The following ZC3H14 variants were observed in gnomAD, a reference collection of about 807,000 sequenced individuals.
The protein encoded by ZC3H14 is zinc finger CCCH domain-containing protein 14.
ZC3H14 carries 31 observed loss-of-function variants against 92.4 expected under a neutral mutation model. The ratio of observed to expected loss-of-function variants is 0.34; its 90% CI spans 0.25 to 0.45. The LOEUF is 0.45. Among genes scored for constraint, ZC3H14 ranks in the 20% least tolerant of loss-of-function variants. The pLI, the probability that ZC3H14 is intolerant of heterozygous loss-of-function variation, is 1.00. For synonymous variants in ZC3H14, 321 were observed against 300.9 expected, an observed-to-expected ratio of 1.07 and a Z score of -0.69; for missense variants, 781 against 897.3, an observed-to-expected ratio of 0.87 and a Z score of 1.66.
chr14:88,611,616 G>A, intron 16 of ZC3H14, 129 bp from the exon 17 acceptor site: 1 of 994,568 alleles, frequency 1.0e-6, no homozygotes, highest in South Asian at 1.7e-5. Flanking sequence ...TTAAAAATCT[G>A]CCATTTATAT....
At chr14:88,595,940 T>C (rs150877105) in intron 9 of ZC3H14, among the ~76,000 whole-genome samples, 39 of 152,330 alleles carry the variant, frequency 2.6e-4, no homozygotes, top group African/African-American at 8.7e-4. Flanking sequence ...TGATGTCTGC[T>C]AAGCGCTGTG....
chr14:88,577,912 A>G, intron 8 of ZC3H14, 73 bp from the exon 9 acceptor site: 2 of 1,582,874 alleles, frequency 1.3e-6, no homozygotes, highest in South Asian at 1.1e-5. Context: ...TATATTTAAT[A>G]TGACATAGTC....
Position 88,616,101 on chromosome 14 carries a change from GT to G in ZC3H14, c.*4351del, listed in dbSNP as rs1567008892. On this transcript the variant is annotated 3_prime_UTR_variant, in exon 17 of 17. Coordinates refer to ENST00000251038, the MANE Select transcript of ZC3H14 (RefSeq NM_024824.5). ...GTTGTTGTATTAAGTCTCTTAACTAGTAACATAGTCTGCTCTTCATGGGCTG... is the reference window on the plus strand; with the variant it reads ...GTTGTTGTATTAAGTCTCTTAACTAGAACATAGTCTGCTCTTCATGGGCTG... 4 of 1,593,238 alleles carry G rather than the reference GT, an allele frequency of 2.5e-6. No individual in the cohort carries two copies. The South Asian group carries it at 4.4e-5, about 18-fold the overall frequency.
chr14:88,597,001 C>T (rs1403384373), intron 10 of ZC3H14, among the ~76,000 whole-genome samples, 193 bp downstream of exon 10: 1 of 152,056 alleles, frequency 6.6e-6, no homozygotes, highest in South Asian at 2.1e-4. Flanking sequence ...TAATTTTTTG[C>T]CTCATTGGAA....
In ZC3H14 at chr14:88,623,479, G is replaced by A. The variant is rs1354306791; in HGVS notation, c.*11728G>A. ...TCTGTCACCTGGCCTGGAGTGCAGT[G>A]GTGTGATCTCGGCTCACTGCAACCT... On this transcript the variant is annotated 3_prime_UTR_variant, in exon 17 of 17. Coordinates refer to ENST00000251038, the MANE Select transcript of ZC3H14 (RefSeq NM_024824.5). 1 of 152,102 alleles carries A rather than the reference G, an allele frequency of 6.6e-6. No homozygotes were observed. 9.4% of individuals were successfully genotyped at this position (152,102 alleles called of 1,614,324 possible).
In ZC3H14 at chr14:88,626,577, A is replaced by G. The variant is rs2089973535; in HGVS notation, c.*14826A>G. 2.3e-6 allele frequency: 1 copy of G among 438,226 alleles called. No individual in the cohort carries two copies. Among genetic ancestry groups the G allele is most frequent in the Non-Finnish European group, 4.2e-6 (1 of 238,952 alleles). The allele number at this position is 438,226 out of a possible 1,614,324, so 27.1% of individuals were successfully genotyped here. ...GGCTACAGTGAGCTATAATCGCACC[A>G]TTGCACCCCAGCCCAGGCGACAGAG... On this transcript the variant is annotated 3_prime_UTR_variant, in exon 17 of 17. Transcript: ENST00000251038.
At position 88,613,789 on chromosome 14, in the gene ZC3H14, CA is replaced by C. The variant is rs1206194426; in HGVS notation, c.*2039del. The C allele has an allele frequency of 6.6e-6, 1 of 152,132 alleles. No homozygotes were observed. Among genetic ancestry groups the C allele is most frequent in the Non-Finnish European group, 1.5e-5 (1 of 68,014 alleles). 9.4% of individuals were successfully genotyped at this position (152,132 alleles called of 1,614,324 possible). A position where few individuals can be genotyped will look rare whatever the true frequency, so the allele number is the denominator to read the frequency against. On this transcript the variant is annotated 3_prime_UTR_variant, in exon 17 of 17. Transcript: ENST00000251038. The stretch of plus-strand genomic sequence containing the variant: ...TGCCAGAAGTCCCAGGTTACACAAT[CA>C]GGAGCTTAGATACTGCACACAAAAA...
rs1315500642 is a variant in ZC3H14 at position 88,568,019 on chromosome 14, C to G, written c.80-20C>G. The stretch of plus-strand genomic sequence containing the variant: ...AGTTTTGAGGAAACAAAGTTTTGAT[C>G]TACCTTTCCTTTTAAATAGATGAAG... On this transcript the variant is annotated intron_variant, in intron 2 of 16. Coordinates refer to ENST00000251038, the MANE Select transcript of ZC3H14 (RefSeq NM_024824.5). 1.2e-6 allele frequency: 2 copies of G among 1,602,736 alleles called. No individual in the cohort carries two copies. Among genetic ancestry groups the G allele is most frequent in the Non-Finnish European group, 1.7e-6 (2 of 1,170,334 alleles).
At chr14:88,581,693 A>G (rs1450845995) in intron 9 of ZC3H14, among the ~76,000 whole-genome samples, 1 of 152,214 alleles carries the variant, frequency 6.6e-6, no homozygotes, top group East Asian at 1.9e-4. Flanking sequence ...CTGTCAATGA[A>G]TGGTAGACCA....
At chr14:88,611,421 C>T (rs570300963) in intron 16 of ZC3H14, among the ~76,000 whole-genome samples, 338 of 152,240 alleles carry the variant, frequency 2.2e-3, no homozygotes, top group African/African-American at 4.2e-3. Context: ...TTATATACTA[C>T]GCAAACATAT....
chr14:88,586,473 T>C (rs549277358), intron 9 of ZC3H14: 18 of 152,316 alleles, frequency 1.2e-4, no homozygotes, highest in African/African-American at 4.3e-4. Flanking sequence ...GTTAGTTATT[T>C]GCTCTCCACA....
rs781432264 is a variant in ZC3H14, at chr14:88,609,724, C to T, written c.2018C>T (p.Pro673Leu). The part of the protein sequence containing the change: ...VLSPKPAVAP[P>L]APPSSSQLCR... ...TTTATTTTGTTAGCAGTTGCACCAC[C>T]AGCACCACCTTCCAGTAGTCAGCTC... is the stretch of plus-strand genomic sequence containing the variant. Residue 673 changes from proline to leucine, a missense_variant, in exon 15 of 17, where the codon CCA (proline) becomes CTA (leucine). Coordinates refer to ENST00000251038, the MANE Select transcript of ZC3H14 (RefSeq NM_024824.5). 6.2e-7 allele frequency: 1 copy of T among 1,614,158 alleles called. No homozygotes were observed. The highest frequency in any genetic ancestry group is 1.1e-5 in the South Asian group (1 of 91,080).
At chr14:88,592,712 G>T (rs1457528036) in intron 9 of ZC3H14, among the ~76,000 whole-genome samples, 1 of 151,872 alleles carries the variant, frequency 6.6e-6, no homozygotes, top group African/African-American at 2.4e-5. Context: ...TGTTGGCCAG[G>T]CTGGTCTTGA....
intron 15 of ZC3H14, among the ~76,000 whole-genome samples, chr14:88,610,471 C>T (rs1306804929): frequency 6.6e-6 from 1 of 152,002 alleles, no homozygotes; most frequent in Non-Finnish European, 1.5e-5. Context: ...GAATCTCTTA[C>T]TCTGTTAATG....
chr14:88,603,340 T>C (rs1486231749), intron 12 of ZC3H14, among the ~76,000 whole-genome samples: 1 of 152,250 alleles, frequency 6.6e-6, no homozygotes, highest in African/African-American at 2.4e-5. Flanking sequence ...ACCACCATTC[T>C]TGTTGCCTTC....
chr14:88,572,077 G>A lies in ZC3H14; in HGVS notation c.283G>A (p.Val95Met), dbSNP rs779832734. 18 of 1,613,922 alleles carry A rather than the reference G, an allele frequency of 1.1e-5. No individual in the cohort carries two copies. In the East Asian group the frequency reaches 1.6e-4, roughly 14 times the overall value. ...TGATACCAACATCTTTGATAGTAAC[G>A]TGCCTTCAAACAAGAGCAATTTCAG... Reference protein sequence around the residue: ...SSDTNIFDSNVPSNKSNFSRG... With the variant: ...SSDTNIFDSNMPSNKSNFSRG... The change falls in exon 5 of 17, where the codon GTG (valine) becomes ATG (methionine). Residue 95 changes from valine to methionine, a missense_variant. By Grantham distance (21) the Val-to-Met change is conservative. This residue lies in a region of ZC3H14 where 106 missense variants were observed against 154.2 expected (regional missense o/e 0.69). Coordinates refer to ENST00000251038, the MANE Select transcript of ZC3H14 (RefSeq NM_024824.5).
rs747108092 is a variant in ZC3H14 at position 88,572,849 on chromosome 14, C to A, written c.703C>A (p.Gln235Lys). Residue 235 changes from glutamine to lysine, a missense_variant, in exon 6 of 17, where the codon CAA (glutamine) becomes AAA (lysine). Transcript: ENST00000251038. The stretch of plus-strand genomic sequence containing the variant: ...TGTTCATTTAAACAGGTTGCAATTT[C>A]AACAGCAGCAGAATAGTATTCATGC... The part of the protein sequence containing the change: ...SGVHLNRLQF[Q>K]QQQNSIHAAK... The A allele has an allele frequency of 6.2e-7, 1 of 1,614,156 alleles. No individual in the cohort carries two copies. Among genetic ancestry groups the A allele is most frequent in the Non-Finnish European group, 8.5e-7 (1 of 1,180,038 alleles).
At position 88,572,010 on chromosome 14, in the gene ZC3H14, G is replaced by T. The variant is rs767343590; in HGVS notation, c.236-20G>T. 8 of 1,563,836 alleles carry T rather than the reference G, an allele frequency of 5.1e-6. No homozygotes were observed. Among genetic ancestry groups the T allele is most frequent in the Non-Finnish European group, 6.1e-6 (7 of 1,141,774 alleles). Reference sequence around the variant, plus strand: ...ATAAGAAATAAAAATAGATTAAAAGGACTGTATTTTTCTTTTCAGAACCCT... The same window carrying T: ...ATAAGAAATAAAAATAGATTAAAAGTACTGTATTTTTCTTTTCAGAACCCT... On this transcript the variant is annotated intron_variant, in intron 4 of 16. Coordinates refer to ENST00000251038, the MANE Select transcript of ZC3H14 (RefSeq NM_024824.5).
In ZC3H14 at chr14:88,612,972, A is replaced by C. The variant is rs2087014825; in HGVS notation, c.*1221A>C. 1 of 127,158 alleles carries C rather than the reference A, an allele frequency of 7.9e-6. No individual in the cohort carries two copies. The highest frequency in any genetic ancestry group is 1.7e-5 in the Non-Finnish European group (1 of 58,774). The allele number at this position is 127,158 out of a possible 1,614,324, so 7.9% of individuals were successfully genotyped here. On this transcript the variant is annotated 3_prime_UTR_variant, in exon 17 of 17. Transcript: ENST00000251038. ...ACTGCAACATTCTCAGGACCAAATT[A>C]AACTGCTAAAAAAAAAAAAAAAGTT...
Sources: gnomAD v4.1 joint callset for allele counts (sites outside exome capture counted in the v4.1 genomes callset) on GRCh38, gnomAD v4.1.1 for gene constraint, gnomAD v4.1.1 regional missense constraint, MANE v1.5 for transcripts, NCBI Gene and HGNC (gene_info 2026-07-23, HGNC 2026-07-21) for gene names.